MYO3A: variants seen among roughly 807,000 people sequenced by gnomAD.
MYO3A encodes myosin IIIA.
In MYO3A, 180 loss-of-function variants were observed where a neutral mutation model predicts 192.7. That is an observed-to-expected ratio of 0.93 (90% confidence interval 0.83 to 1.06). The LOEUF is 1.06. MYO3A is among the 50% of genes least tolerant of loss of function. MYO3A has a pLI of 0.00. For synonymous variants in MYO3A, 628 were observed against 645.3 expected, an observed-to-expected ratio of 0.97 and a Z score of 0.41; for missense variants, 1,896 against 1,905.0, an observed-to-expected ratio of 1.00 and a Z score of 0.09.
intron 10 of MYO3A, among the ~76,000 whole-genome samples, chr10:26,061,635 C>T (rs1238240950): frequency 1.3e-5 from 2 of 152,120 alleles, no homozygotes; most frequent in Non-Finnish European, 2.9e-5. Context: ...TTAAGTTGTA[C>T]CATAGAAGAT....
intron 2 of MYO3A, among the ~76,000 whole-genome samples, chr10:25,946,074 A>G (rs1364556989): frequency 6.6e-6 from 1 of 152,198 alleles, no homozygotes; most frequent in African/African-American, 2.4e-5. Context: ...TAGATTTATA[A>G]GTATTTTTAT....
At chr10:26,154,902 A>T in intron 25 of MYO3A, 79 bp downstream of exon 25, 1 of 1,152,364 alleles carries the variant, frequency 8.7e-7, no homozygotes, top group Non-Finnish European at 1.3e-6. Flanking sequence ...AGCCAGTAAC[A>T]CTAGCAAAGA....
intron 10 of MYO3A, among the ~76,000 whole-genome samples, chr10:26,032,284 CAAAA>C (rs1189515947): frequency 6.6e-6 from 1 of 152,108 alleles, no homozygotes; most frequent in Non-Finnish European, 1.5e-5. Context: ...GAAGGATTAA[CAAAA>C]GAAAGACAAA....
chr10:26,015,008 T>C (rs1458188303), intron 6 of MYO3A, among the ~76,000 whole-genome samples: 1 of 152,140 alleles, frequency 6.6e-6, no homozygotes, highest in Non-Finnish European at 1.5e-5. Flanking sequence ...ATAGCACTTA[T>C]GCGATAGGGA....
At chr10:25,967,323 A>G (rs527341034) in intron 4 of MYO3A, among the ~76,000 whole-genome samples, 5 of 152,320 alleles carry the variant, frequency 3.3e-5, no homozygotes, top group African/African-American at 1.2e-4. Flanking sequence ...TGCTCGAGTT[A>G]CTACCAGCCA....
At chr10:26,120,825 C>CA (rs755305925) in intron 18 of MYO3A, 23 bp downstream of exon 18, 109 of 1,613,058 alleles carry the variant, frequency 6.8e-5, no homozygotes, top group Non-Finnish European at 8.5e-5. Flanking sequence ...ACCTTCTATT[C>CA]AAAACTGAAA....
rs573810281 is a variant in MYO3A, at chr10:25,960,165, A to C, written c.303+5157A>C. On this transcript the variant is annotated intron_variant, in intron 4 of 34. Transcript: ENST00000642920. The stretch of plus-strand genomic sequence containing the variant: ...TGTCCTCTTTTTCTTTGTGGTTATA[A>C]TTGTTTATTCCTTTACTAGTGTTTT... 6.3e-4 allele frequency among the ~76,000 whole-genome samples: 96 copies of C among 152,052 alleles called. 1 individual carries two copies. The highest frequency in any genetic ancestry group is 2.1e-3 in the African/African-American group (86 of 41,472).
At chr10:26,094,864 A>G (rs1836917904) in intron 15 of MYO3A, among the ~76,000 whole-genome samples, 1 of 152,236 alleles carries the variant, frequency 6.6e-6, no homozygotes, top group Non-Finnish European at 1.5e-5. Context: ...GCGTGTAATT[A>G]TGCATATCAT....
At chr10:26,124,741 A>T (rs1048986318) in intron 18 of MYO3A, among the ~76,000 whole-genome samples, 1 of 152,222 alleles carries the variant, frequency 6.6e-6, no homozygotes, top group African/African-American at 2.4e-5. Flanking sequence ...CACGGAATTA[A>T]AGTGTTACTA....
At chr10:25,977,170 C>T (rs558074636) in intron 4 of MYO3A, among the ~76,000 whole-genome samples, 1 of 152,262 alleles carries the variant, frequency 6.6e-6, no homozygotes, top group East Asian at 1.9e-4. Context: ...GATTTTCAGA[C>T]ACAAAGTCAT....
In MYO3A at chr10:26,212,118, GGGCC is replaced by G. The variant is rs1844248219; in HGVS notation, c.*160_*163del. On this transcript the variant is annotated 3_prime_UTR_variant, in exon 35 of 35. Coordinates refer to ENST00000642920, the MANE Select transcript of MYO3A (RefSeq NM_017433.5). ...TGCTGCGCTCGGCCCTCAAGTGCCC[GGGCC>G]GGCCTTCGTGCTCCGAAACAAGAGA... 7.7e-6 allele frequency: 9 copies of G among 1,169,560 alleles called. No individual in the cohort carries two copies. The highest frequency in any genetic ancestry group is 2.9e-5 in the Admixed American group (1 of 33,902). 72.4% of individuals were successfully genotyped at this position (1,169,560 alleles called of 1,614,324 possible). A position where few individuals can be genotyped will look rare whatever the true frequency, so the allele number is the denominator to read the frequency against.
intron 7 of MYO3A, among the ~76,000 whole-genome samples, chr10:26,018,694 A>G (rs1177142598): frequency 6.6e-6 from 1 of 152,144 alleles, no homozygotes; most frequent in Non-Finnish European, 1.5e-5. Context: ...ACAAACCAGG[A>G]CACCCTGGAG....
chr10:26,170,394 C>A (rs1161220595), intron 28 of MYO3A, 22 bp from the exon 29 acceptor site: 1 of 1,611,986 alleles, frequency 6.2e-7, no homozygotes, highest in Non-Finnish European at 8.5e-7. Flanking sequence ...ATTAACACTA[C>A]TATGGGCTTT....
At chr10:26,060,283 AC>A (rs1564506842) in intron 10 of MYO3A, among the ~76,000 whole-genome samples, 1 of 62,028 alleles carries the variant, frequency 1.6e-5, no homozygotes, top group South Asian at 6.2e-4. Context: ...ATAAATACAT[AC>A]ATAAATAAAT....
chr10:26,108,304 G>A (rs866033300), intron 17 of MYO3A, among the ~76,000 whole-genome samples: 3 of 152,260 alleles, frequency 2.0e-5, no homozygotes, highest in South Asian at 4.1e-4. Flanking sequence ...TGACACTCCT[G>A]CAGCTTTAAA....
chr10:26,164,317 A>T (rs145300297), intron 26 of MYO3A, among the ~76,000 whole-genome samples: 1 of 152,164 alleles, frequency 6.6e-6, no homozygotes, highest in Non-Finnish European at 1.5e-5. Context: ...GAGAAATGAG[A>T]TTGAAAATAT....
intron 25 of MYO3A, among the ~76,000 whole-genome samples, chr10:26,156,486 A>G (rs1841124209): frequency 6.6e-6 from 1 of 152,210 alleles, no homozygotes; most frequent in Non-Finnish European, 1.5e-5. Context: ...TTAATAAGGT[A>G]TTGCTATAGA....
chr10:26,041,688 A>T (rs1294753440), intron 10 of MYO3A, among the ~76,000 whole-genome samples: 1 of 106,892 alleles, frequency 9.4e-6, no homozygotes, highest in Non-Finnish European at 2.3e-5. Context: ...TTGCATAAAC[A>T]AACAAACAAA....
chr10:25,961,720 A>G (rs1226843245), intron 4 of MYO3A, among the ~76,000 whole-genome samples: 1 of 152,190 alleles, frequency 6.6e-6, no homozygotes, highest in Non-Finnish European at 1.5e-5. Flanking sequence ...GACTAATCAC[A>G]TATACACATA....
Sources: allele counts gnomAD v4.1 joint callset (sites outside exome capture counted in the v4.1 genomes callset), GRCh38; gene constraint gnomAD v4.1.1; transcripts MANE v1.5; gene names NCBI Gene and HGNC (gene_info 2026-07-23, HGNC 2026-07-21).